Variants in NTSR1 observed in about 807,000 individuals in gnomAD.
NTSR1 encodes neurotensin receptor type 1.
NTSR1 carries 29 observed loss-of-function variants against 31.2 expected under a neutral mutation model. That is an observed-to-expected ratio of 0.93 (90% CI 0.69 to 1.27). The LOEUF (loss-of-function observed/expected upper bound fraction) is 1.27, where lower values mean the gene tolerates loss of function less well. Among genes scored for constraint, NTSR1 ranks in the 50% most tolerant of loss-of-function variants. The probability of loss-of-function intolerance (pLI) is 0.00; values close to 1 mark genes in which losing one functional copy is unlikely to be tolerated. For missense variants in NTSR1, 697 were observed against 595.4 expected, an observed-to-expected ratio of 1.17 and a Z score of -1.78; for synonymous variants, 282 against 269.9, an observed-to-expected ratio of 1.04 and a Z score of -0.44.
chr20:62,718,518 G>A (rs1352960916), intron 1 of NTSR1, among the ~76,000 whole-genome samples: 2 of 130,854 alleles, frequency 1.5e-5, no homozygotes, highest in Non-Finnish European at 3.3e-5. Context: ...ACCGGCCCCC[G>A]CCCTCCAGCC....
chr20:62,736,440 C>T (rs769390032), intron 1 of NTSR1, among the ~76,000 whole-genome samples: 4 of 152,254 alleles, frequency 2.6e-5, no homozygotes, highest in Non-Finnish European at 5.9e-5. Context: ...CCAGTTTAGA[C>T]GCAGAATCTC....
rs919080236 is a variant in NTSR1 at position 62,758,543 on chromosome 20, G to A, written c.1007+187G>A. Among the ~76,000 whole-genome samples the A allele has an allele frequency of 6.6e-6, 1 of 152,184 alleles. No individual in the cohort carries two copies. Among genetic ancestry groups the A allele is most frequent in the African/African-American group, 2.4e-5 (1 of 41,434 alleles). ...GAAGGCCATGGAGGGACAGGTTCAA[G>A]GCAGGGGCTATTCAGGCCAGACTGG... On this transcript the variant is annotated intron_variant, in intron 3 of 3. Coordinates refer to ENST00000370501, the MANE Select transcript of NTSR1 (RefSeq NM_002531.3). This position sits in a 1 kb window ranked among gnomAD's most constrained non-coding sequence, Gnocchi z 4.5.
rs755135046 is a variant in NTSR1, at chr20:62,760,277, C to A, written c.*10C>A. The A allele has an allele frequency of 6.3e-7, 1 of 1,595,404 alleles. No individual in the cohort carries two copies. Among genetic ancestry groups the A allele is most frequent in the Admixed American group, 1.7e-5 (1 of 59,580 alleles). On this transcript the variant is annotated 3_prime_UTR_variant, in exon 4 of 4. Transcript: ENST00000370501. ...CGAGACGCTGTACTAGGCTGTGCGCCCCGGAACGTGTCCAGGAGGAGCCTG... is the reference window on the plus strand; with the variant it reads ...CGAGACGCTGTACTAGGCTGTGCGCACCGGAACGTGTCCAGGAGGAGCCTG...
chr20:62,757,789 T>A (rs572706833), intron 2 of NTSR1, among the ~76,000 whole-genome samples: 10 of 152,198 alleles, frequency 6.6e-5, no homozygotes, highest in African/African-American at 2.4e-4. Context: ...TCAGCCCATG[T>A]CTCTCCCTCT....
chr20:62,736,665 G>A (rs369255457), intron 1 of NTSR1, among the ~76,000 whole-genome samples: 4 of 152,324 alleles, frequency 2.6e-5, no homozygotes, highest in East Asian at 1.9e-4. Flanking sequence ...CATAGGACCC[G>A]CAAGCTGAGA....
At chr20:62,736,754 C>T (rs1343889510) in intron 1 of NTSR1, among the ~76,000 whole-genome samples, 1 of 152,226 alleles carries the variant, frequency 6.6e-6, no homozygotes, top group Admixed American at 6.5e-5. Context: ...GTAGGAGTTA[C>T]TTCGTGATGT....
rs117680304 is a variant in NTSR1 at position 62,714,269 on chromosome 20, G to A, written c.714+4348G>A. Among the ~76,000 whole-genome samples, 95 of 152,358 alleles carry A rather than the reference G, an allele frequency of 6.2e-4. No individual in the cohort carries two copies. In the East Asian group the frequency reaches 0.015, roughly 24 times the overall value. On this transcript the variant is annotated intron_variant, in intron 1 of 3. Coordinates refer to ENST00000370501, the MANE Select transcript of NTSR1 (RefSeq NM_002531.3). This position sits in a 1 kb window ranked among gnomAD's most constrained non-coding sequence, Gnocchi z 4.1. The stretch of plus-strand genomic sequence containing the variant: ...CAGCGCAGGGCATAGAGGGCTGTTG[G>A]TGTGGGGCCAAGAGTCACACACTTC...
At chr20:62,716,613 G>C (rs1204679113) in intron 1 of NTSR1, among the ~76,000 whole-genome samples, 6 of 152,252 alleles carry the variant, frequency 3.9e-5, no homozygotes, top group African/African-American at 1.4e-4. Flanking sequence ...CCGTGAGTCT[G>C]TGAAAAACAA....
rs1385051914 is a variant in NTSR1, at chr20:62,725,931, G to A, written c.714+16010G>A. 2.6e-5 allele frequency among the ~76,000 whole-genome samples: 4 copies of A among 152,056 alleles called. No individual in the cohort carries two copies. The East Asian group carries it at 5.8e-4, about 22-fold the overall frequency. On this transcript the variant is annotated intron_variant, in intron 1 of 3. Transcript: ENST00000370501. Reference sequence around the variant, plus strand: ...GCCGGCCCTGGCTTGAGGGTGGGGGGACTCTGGGTGGCTCTGCCCTGTACC... The same window carrying A: ...GCCGGCCCTGGCTTGAGGGTGGGGGAACTCTGGGTGGCTCTGCCCTGTACC...
chr20:62,725,217 T>C (rs1988886364), intron 1 of NTSR1, among the ~76,000 whole-genome samples: 1 of 152,162 alleles, frequency 6.6e-6, no homozygotes, highest in South Asian at 2.1e-4. Flanking sequence ...CTGGAAGGGC[T>C]ACCCCAGCCC....
In NTSR1 at chr20:62,760,075, C is replaced by T; in HGVS notation, c.1065C>T (p.Val355=). Residue 355 remains valine, a synonymous_variant, in exon 4 of 4, where the codon GTC becomes GTT. Coordinates refer to ENST00000370501, the MANE Select transcript of NTSR1 (RefSeq NM_002531.3). ...TGGTGACCAACGCACTCTTCTACGT[C>T]AGCTCCACCATCAACCCCATCCTGT... ...FYMVTNALFY[V]SSTINPILYN... 6.2e-7 allele frequency: 1 copy of T among 1,614,128 alleles called. No homozygotes were observed. Among genetic ancestry groups the T allele is most frequent in the Non-Finnish European group, 8.5e-7 (1 of 1,179,996 alleles).
intron 1 of NTSR1, among the ~76,000 whole-genome samples, chr20:62,737,908 C>T (rs954187260): frequency 7.1e-6 from 1 of 141,510 alleles, no homozygotes; most frequent in African/African-American, 2.7e-5. Context: ...TACCTCCTTC[C>T]TCCTGGCCCA....
chr20:62,757,433 C>G (rs76519001), intron 2 of NTSR1, among the ~76,000 whole-genome samples: 3,051 of 152,282 alleles, frequency 0.02, 98 homozygotes, highest in African/African-American at 0.068. Flanking sequence ...TATCTTTATG[C>G]CAGCACCACA....
intron 1 of NTSR1, among the ~76,000 whole-genome samples, chr20:62,725,924 G>T (rs1988898957): frequency 6.6e-6 from 1 of 152,062 alleles, no homozygotes; most frequent in African/African-American, 2.4e-5. Context: ...TGGCTTGAGG[G>T]TGGGGGGACT....
At chr20:62,738,305 C>T (rs1444464926) in intron 1 of NTSR1, among the ~76,000 whole-genome samples, 4 of 152,220 alleles carry the variant, frequency 2.6e-5, no homozygotes, top group Non-Finnish European at 5.9e-5. Flanking sequence ...CCACTGAGTT[C>T]TGGAACATTC....
intron 1 of NTSR1, among the ~76,000 whole-genome samples, chr20:62,751,115 G>T (rs913084835): frequency 6.6e-6 from 1 of 152,042 alleles, no homozygotes; most frequent in Non-Finnish European, 1.5e-5. Context: ...GGCCTCAAGG[G>T]ATCTTCCTGC....
chr20:62,709,681 C>A lies in NTSR1; in HGVS notation c.474C>A (p.Asn158Lys). Residue 158 changes from asparagine to lysine, a missense_variant, in exon 1 of 4, where the codon AAC becomes AAA. Physicochemically the swap from Asn to Lys is moderately conservative, Grantham distance 94 (BLOSUM62 0). Coordinates refer to ENST00000370501, the MANE Select transcript of NTSR1 (RefSeq NM_002531.3). Reference protein sequence around the residue: ...RDACTYATALNVASLSVERYL... With the variant: ...RDACTYATALKVASLSVERYL... ...CCTGCACCTACGCCACGGCCCTCAACGTGGCCAGCCTGAGTGTGGAGCGCT... is the reference window on the plus strand; with the variant it reads ...CCTGCACCTACGCCACGGCCCTCAAAGTGGCCAGCCTGAGTGTGGAGCGCT... 6.2e-7 allele frequency: 1 copy of A among 1,612,798 alleles called. No individual in the cohort carries two copies. Among genetic ancestry groups the A allele is most frequent in the Non-Finnish European group, 8.5e-7 (1 of 1,179,896 alleles).
At chr20:62,726,974 T>C (rs1190825118) in intron 1 of NTSR1, among the ~76,000 whole-genome samples, 1 of 152,162 alleles carries the variant, frequency 6.6e-6, no homozygotes, top group Non-Finnish European at 1.5e-5. Flanking sequence ...GGAAACTGCT[T>C]TGTGGACAAC....
At chr20:62,718,054 G>A (rs905458386) in intron 1 of NTSR1, among the ~76,000 whole-genome samples, 5 of 152,196 alleles carry the variant, frequency 3.3e-5, no homozygotes, top group African/African-American at 1.2e-4. Context: ...CCCCAGGGCA[G>A]GCACGTGCTG....
Sources: gnomAD v4.1 joint callset for allele counts (sites outside exome capture counted in the v4.1 genomes callset) on GRCh38, gnomAD v4.1.1 for gene constraint, Gnocchi (gnomAD v3.1) non-coding constraint, MANE v1.5 for transcripts, NCBI Gene and HGNC (gene_info 2026-07-23, HGNC 2026-07-21) for gene names.